Variants in NRK observed in about 807,000 individuals in gnomAD.
NRK encodes nik-related protein kinase.
Under a neutral mutation model 125.2 loss-of-function variants are expected in NRK, and 67 were observed. The observed-to-expected ratio is 0.54, with a 90% CI of 0.44 to 0.66. NRK has a LOEUF of 0.66. Among genes scored for constraint, NRK ranks in the 30% least tolerant of loss-of-function variants. The pLI, the probability that NRK is intolerant of heterozygous loss-of-function variation, is 0.00. For missense variants in NRK, 1,224 were observed against 1,192.9 expected, an observed-to-expected ratio of 1.03 and a Z score of -0.38; for synonymous variants, 458 against 429.0, an observed-to-expected ratio of 1.07 and a Z score of -0.84.
intron 4 of NRK, among the ~76,000 whole-genome samples, chrX:105,882,757 A>G (rs953565694): frequency 9.0e-6 from 1 of 111,639 alleles, no homozygotes; most frequent in Middle Eastern, 4.6e-3. Flanking sequence ...TGTTATGTCT[A>G]TAATTCATGT....
rs887256972 is a variant in NRK, at chrX:105,923,926, T to C, written c.2975+444T>C. On this transcript the variant is annotated intron_variant, in intron 18 of 28. Transcript: ENST00000243300. ...ATATATATATATATATATATATATA[T>C]GTGAAATTTAAGATGATCTTTATCT... 3.5e-4 allele frequency among the ~76,000 whole-genome samples: 27 copies of C among 76,243 alleles called. No individual in the cohort carries two copies. In the East Asian group the frequency reaches 9.2e-3, roughly 26 times the overall value. The allele number at this position is 76,243 out of a possible 115,157, so 66.2% of individuals were successfully genotyped here. A position where few individuals can be genotyped will look rare whatever the true frequency, so the allele number is the denominator to read the frequency against.
chrX:105,918,932 T>C (rs764448468), intron 16 of NRK, among the ~76,000 whole-genome samples: 29 of 103,898 alleles, frequency 2.8e-4, no homozygotes, highest in Non-Finnish European at 3.9e-4. Context: ...TGTCTCAGAA[T>C]CTTAGTGCAC....
At chrX:105,840,802 T>C (rs1412216035) in intron 2 of NRK, among the ~76,000 whole-genome samples, 2 of 109,775 alleles carry the variant, frequency 1.8e-5, no homozygotes, top group African/African-American at 6.7e-5. Context: ...AAGCAAATTT[T>C]GTTTTATTTT....
intron 2 of NRK, among the ~76,000 whole-genome samples, chrX:105,868,225 T>C (rs1212977720): frequency 1.8e-5 from 2 of 111,087 alleles, no homozygotes; most frequent in Admixed American, 1.9e-4. Flanking sequence ...TGGGAATCAA[T>C]GAATTTGGAA....
rs1258790117 is a variant in NRK, at chrX:105,923,238, A to G, written c.2731A>G (p.Ile911Val). 1 of 1,209,752 alleles carries G rather than the reference A, an allele frequency of 8.3e-7. No homozygotes were observed. Among genetic ancestry groups the G allele is most frequent in the Admixed American group, 2.2e-5 (1 of 45,832 alleles). ...TGATTGGTTAACTCCGGCACCTGTC[A>G]TTCAGCCACCTGAAGAGGATGGTGA... is the stretch of plus-strand genomic sequence containing the variant. Reference protein sequence around the residue: ...RNDWLTPAPVIQPPEEDGDYV... With the variant: ...RNDWLTPAPVVQPPEEDGDYV... Residue 911 changes from isoleucine (I) to valine (V), a missense_variant, in exon 18 of 29, where the codon ATT (isoleucine) becomes GTT (valine). Coordinates refer to ENST00000243300, the MANE Select transcript of NRK (RefSeq NM_198465.4).
chrX:105,835,568 G>C (rs1389665343), intron 2 of NRK, among the ~76,000 whole-genome samples: 1 of 109,662 alleles, frequency 9.1e-6, no homozygotes, highest in African/African-American at 3.3e-5. Context: ...TCTAGTGGTA[G>C]GATACTTCTA....
intron 2 of NRK, among the ~76,000 whole-genome samples, chrX:105,836,166 G>A (rs1445208919): frequency 9.0e-6 from 1 of 111,356 alleles, no homozygotes; most frequent in African/African-American, 3.3e-5. Flanking sequence ...GAAAAGTTAC[G>A]ATTAGCTAGA....
chrX:105,937,225 C>A (rs756296787), intron 21 of NRK, among the ~76,000 whole-genome samples: 1 of 109,800 alleles, frequency 9.1e-6, no homozygotes, highest in Non-Finnish European at 1.9e-5. Flanking sequence ...TGAATATAGC[C>A]TAAACTGATA....
chrX:105,887,032 G>T (rs2039956371), intron 4 of NRK, among the ~76,000 whole-genome samples: 1 of 111,447 alleles, frequency 9.0e-6, no homozygotes, highest in Admixed American at 9.6e-5. Flanking sequence ...TTTGACAGTG[G>T]ATGCTTATAT....
chrX:105,949,449 TAG>T (rs1222379457), intron 26 of NRK, 124 bp from the exon 27 acceptor site: 1 of 419,388 alleles, frequency 2.4e-6, no homozygotes, highest in Non-Finnish European at 4.2e-6. Context: ...ACTTTGGAAA[TAG>T]AGGTTTCTCT....
At position 105,920,482 on chromosome X, in the gene NRK, G is replaced by T. The variant is rs1569311984; in HGVS notation, c.2513-1482G>T. ...GGCATTGAATCTGTAAATTACCTTG[G>T]GCAGTATGGCCATTTTCACGATATT... On this transcript the variant is annotated intron_variant, in intron 16 of 28. Coordinates refer to ENST00000243300, the MANE Select transcript of NRK (RefSeq NM_198465.4). Among the ~76,000 whole-genome samples, 5 of 105,857 alleles carry T rather than the reference G, an allele frequency of 4.7e-5. No homozygotes were observed. In the South Asian group the frequency reaches 1.8e-3, roughly 37 times the overall value. The allele number at this position is 105,857 out of a possible 115,157, so 91.9% of individuals were successfully genotyped here.
At chrX:105,848,286 G>T (rs1297242) in intron 2 of NRK, among the ~76,000 whole-genome samples, 36,987 of 109,959 alleles carry the variant, frequency 0.34, 6,000 homozygotes, top group African/African-American at 0.64. Context: ...GTCCTTCTCC[G>T]TCCCTAACTC....
intron 2 of NRK, among the ~76,000 whole-genome samples, chrX:105,870,502 C>A (rs1042613864): frequency 8.9e-6 from 1 of 111,762 alleles, no homozygotes; most frequent in East Asian, 2.8e-4. Context: ...TGCAGTCTTT[C>A]CTTAGTTGCC....
At chrX:105,864,876 C>T (rs1177029291) in intron 2 of NRK, among the ~76,000 whole-genome samples, 1 of 111,106 alleles carries the variant, frequency 9.0e-6, no homozygotes, top group Non-Finnish European at 1.9e-5. Flanking sequence ...CCTTCTCTCC[C>T]CTTTTCTCTT....
chrX:105,917,608 T>A lies in NRK; in HGVS notation c.2448T>A (p.Ala816=). 2.6e-6 allele frequency: 3 copies of A among 1,174,309 alleles called. No homozygotes were observed. Among genetic ancestry groups the A allele is most frequent in the Non-Finnish European group, 3.4e-6 (3 of 874,724 alleles). ...CTCAGCGGTCTCTTTTGGAACAAGCTCAGAAGCCCATTGACATCAGACAAA... is the reference window on the plus strand; with the variant it reads ...CTCAGCGGTCTCTTTTGGAACAAGCACAGAAGCCCATTGACATCAGACAAA... ...SVPQRSLLEQ[A]QKPIDIRQRS... is the part of the protein sequence containing the mutation. Residue 816 remains alanine (A), a synonymous_variant, in exon 16 of 29, where the codon GCT becomes GCA. Coordinates refer to ENST00000243300, the MANE Select transcript of NRK (RefSeq NM_198465.4).
chrX:105,896,855 GAATA>G (rs1442721650), intron 7 of NRK, among the ~76,000 whole-genome samples: 3 of 111,149 alleles, frequency 2.7e-5, no homozygotes, highest in Non-Finnish European at 3.8e-5. Context: ...AACAATAAAT[GAATA>G]AACAATGAAA....
chrX:105,928,152 C>T (rs1364950749), intron 19 of NRK, among the ~76,000 whole-genome samples: 1 of 111,265 alleles, frequency 9.0e-6, no homozygotes, highest in Admixed American at 9.6e-5. Flanking sequence ...CTTTTTATTG[C>T]TGATTCAATC....
chrX:105,866,768 A>G (rs2039676993), intron 2 of NRK, among the ~76,000 whole-genome samples: 1 of 112,514 alleles, frequency 8.9e-6, no homozygotes, highest in Non-Finnish European at 1.9e-5. Flanking sequence ...CCTCTCACAC[A>G]TATCAAATGA....
intron 2 of NRK, among the ~76,000 whole-genome samples, chrX:105,835,922 G>C (rs1250583579): frequency 4.5e-5 from 5 of 111,546 alleles, no homozygotes; most frequent in Non-Finnish European, 9.4e-5. Context: ...TTGCATGCTT[G>C]CAACCAAAAT....
Sources: gnomAD v4.1 joint callset for allele counts (sites outside exome capture counted in the v4.1 genomes callset) on GRCh38, gnomAD v4.1.1 for gene constraint, MANE v1.5 for transcripts, NCBI Gene and HGNC (gene_info 2026-07-23, HGNC 2026-07-21) for gene names.